PARD3: variants seen among roughly 807,000 people sequenced by gnomAD.
PARD3 encodes par-3 family cell polarity regulator.
PARD3 carries 75 observed loss-of-function variants against 155.4 expected under a neutral mutation model. That is an observed-to-expected ratio of 0.48 (90% CI 0.40 to 0.58). The LOEUF is 0.58. Ranked by LOEUF, PARD3 falls within the 20% of genes least tolerant of loss-of-function variation. The pLI, the probability that PARD3 is intolerant of heterozygous loss-of-function variation, is 0.00. For missense variants in PARD3, 1,642 were observed against 1,721.7 expected (o/e 0.95, Z 0.82); for synonymous variants, 576 against 610.5 (o/e 0.94, Z 0.83).
chr10:34,610,054 G>T (rs1454450077), intron 2 of PARD3, among the ~76,000 whole-genome samples: 1 of 152,150 alleles, frequency 6.6e-6, no homozygotes, highest in East Asian at 1.9e-4. Context: ...TACCAAAGGG[G>T]CCTTTTATTG....
At chr10:34,630,461 C>A (rs925231996) in intron 2 of PARD3, among the ~76,000 whole-genome samples, 1 of 106,044 alleles carries the variant, frequency 9.4e-6, no homozygotes, top group Non-Finnish European at 1.9e-5. Flanking sequence ...TTTTTTTTTT[C>A]TTCCGGAGAC....
chr10:34,801,360 T>C (rs901919682), intron 1 of PARD3, among the ~76,000 whole-genome samples: 2 of 152,120 alleles, frequency 1.3e-5, no homozygotes, highest in African/African-American at 4.8e-5. Context: ...TAAATGCATA[T>C]GGGGAGAGGG....
chr10:34,317,539 T>C (rs1958084747), intron 19 of PARD3, among the ~76,000 whole-genome samples: 1 of 152,142 alleles, frequency 6.6e-6, no homozygotes, highest in African/African-American at 2.4e-5. Context: ...GTGAAGATCG[T>C]GTGCCAAGTC....
At chr10:34,608,954 G>A (rs887896439) in intron 2 of PARD3, among the ~76,000 whole-genome samples, 6 of 152,100 alleles carry the variant, frequency 3.9e-5, no homozygotes, top group East Asian at 3.9e-4. Context: ...TAGGTGATAC[G>A]CAAATACTGC....
chr10:34,239,203 T>C (rs925852974), intron 22 of PARD3, among the ~76,000 whole-genome samples: 6 of 152,248 alleles, frequency 3.9e-5, no homozygotes, highest in South Asian at 2.1e-4. Flanking sequence ...TGATAGGCCA[T>C]TTCTTTAATC....
intron 1 of PARD3, among the ~76,000 whole-genome samples, chr10:34,777,102 C>T (rs965073788): frequency 2.7e-5 from 4 of 150,402 alleles, no homozygotes; most frequent in Non-Finnish European, 5.9e-5. Context: ...CCACCCACTT[C>T]GGCCTCCCAA....
At chr10:34,396,321 G>A (rs761450085) in intron 7 of PARD3, among the ~76,000 whole-genome samples, 2 of 152,066 alleles carry the variant, frequency 1.3e-5, no homozygotes, top group African/African-American at 4.8e-5. Context: ...CTGTGTGACA[G>A]AGTGAGACTC....
intron 22 of PARD3, among the ~76,000 whole-genome samples, chr10:34,225,730 A>AG (rs1442431896): frequency 1.3e-5 from 2 of 152,224 alleles, no homozygotes; most frequent in Non-Finnish European, 2.9e-5. Flanking sequence ...ATATACAAAA[A>AG]TTATCTCAAA....
At chr10:34,257,934 A>G (rs1287919516) in intron 22 of PARD3, among the ~76,000 whole-genome samples, 2 of 152,232 alleles carry the variant, frequency 1.3e-5, no homozygotes, top group Non-Finnish European at 2.9e-5. Flanking sequence ...GAATAGCTTA[A>G]TGGATGGTGA....
rs538794872 is a variant in PARD3 at position 34,404,826 on chromosome 10, T to C, written c.715-2909A>G. On this transcript the variant is annotated intron_variant, in intron 5 of 24. Coordinates refer to ENST00000374788, the MANE Select transcript of PARD3 (RefSeq NM_001184785.2). The stretch of plus-strand genomic sequence containing the variant: ...TTGGCTGGGCTTAGTGGCTCACACC[T>C]GTAACCACAGCACTTTAGAAGGCTG... Among the ~76,000 whole-genome samples the C allele has an allele frequency of 4.6e-5, 7 of 152,164 alleles. No individual in the cohort carries two copies. The South Asian group carries it at 1.2e-3, about 27-fold the overall frequency.
intron 22 of PARD3, among the ~76,000 whole-genome samples, chr10:34,133,031 C>T (rs1947694936): frequency 6.6e-6 from 1 of 152,148 alleles, no homozygotes; most frequent in South Asian, 2.1e-4. Flanking sequence ...CCCTTTCCAG[C>T]TTCCCATCCA....
chr10:34,785,718 A>G (rs940629841), intron 1 of PARD3, among the ~76,000 whole-genome samples: 2 of 152,200 alleles, frequency 1.3e-5, no homozygotes, highest in Non-Finnish European at 2.9e-5. Context: ...TTTATAAGGC[A>G]CAAATGGGAC....
intron 2 of PARD3, among the ~76,000 whole-genome samples, chr10:34,662,438 A>T (rs1310742883): frequency 6.6e-6 from 1 of 152,232 alleles, no homozygotes; most frequent in Non-Finnish European, 1.5e-5. Context: ...AGTACATCAA[A>T]GAGGTATCTG....
At chr10:34,615,977 T>C (rs2091225133) in intron 2 of PARD3, among the ~76,000 whole-genome samples, 1 of 152,216 alleles carries the variant, frequency 6.6e-6, no homozygotes, top group Non-Finnish European at 1.5e-5. Flanking sequence ...AGGAGAACTC[T>C]TCTTGTGCAC....
At chr10:34,555,119 GTGA>G (rs893326415) in intron 2 of PARD3, among the ~76,000 whole-genome samples, 2 of 152,168 alleles carry the variant, frequency 1.3e-5, no homozygotes, top group African/African-American at 4.8e-5. Flanking sequence ...TGGACTCTGG[GTGA>G]TGATGATGTG....
intron 22 of PARD3, among the ~76,000 whole-genome samples, chr10:34,267,252 C>A (rs902550316): frequency 9.9e-5 from 15 of 152,086 alleles, no homozygotes; most frequent in Admixed American, 3.9e-4. Flanking sequence ...CTATAAGCAG[C>A]ATTCACAAGT....
intron 20 of PARD3, among the ~76,000 whole-genome samples, chr10:34,316,875 T>A (rs1411755752): frequency 6.6e-6 from 1 of 152,176 alleles, no homozygotes; most frequent in Non-Finnish European, 1.5e-5. Flanking sequence ...TGTTTTCAAA[T>A]CTGTGCTTTC....
chr10:34,250,569 G>GT (rs1208408816), intron 22 of PARD3, among the ~76,000 whole-genome samples: 1 of 151,566 alleles, frequency 6.6e-6, no homozygotes, highest in African/African-American at 2.4e-5. Context: ...GTTGACCCAG[G>GT]TAAGTGGAAA....
intron 22 of PARD3, among the ~76,000 whole-genome samples, chr10:34,267,163 C>T (rs1274350141): frequency 3.3e-5 from 5 of 151,900 alleles, no homozygotes; most frequent in African/African-American, 2.4e-5. Context: ...TAACTGACAA[C>T]GCCAGCATTC....
Sources: allele counts gnomAD v4.1 joint callset (sites outside exome capture counted in the v4.1 genomes callset), GRCh38; gene constraint gnomAD v4.1.1; transcripts MANE v1.5; gene names NCBI Gene and HGNC (gene_info 2026-07-23, HGNC 2026-07-21).